Variants in SCN10A observed in about 807,000 individuals in gnomAD.
The protein encoded by SCN10A is sodium channel protein type 10 subunit alpha.
Under a neutral mutation model 170.7 loss-of-function variants are expected in SCN10A, and 162 were observed. That is an observed-to-expected ratio of 0.95 (90% CI 0.84 to 1.08). The LOEUF (loss-of-function observed/expected upper bound fraction) is 1.08. Among genes scored for constraint, SCN10A ranks in the 50% least tolerant of loss-of-function variants. The pLI is 0.00. For missense variants in SCN10A, 2,527 were observed against 2,436.9 expected (o/e 1.04, Z -0.78); for synonymous variants, 985 against 904.6 (o/e 1.09, Z -1.59).
At chr3:38,761,475 A>G in intron 6 of SCN10A, 92 bp from the exon 7 acceptor site, 2 of 1,136,122 alleles carry the variant, frequency 1.8e-6, no homozygotes, top group South Asian at 3.2e-5. Context: ...TCATCTCTAC[A>G]TACAGGAGTG....
chr3:38,815,436 T>C (rs1311686838), intron 1 of SCN10A, among the ~76,000 whole-genome samples: 1 of 152,200 alleles, frequency 6.6e-6, no homozygotes, highest in African/African-American at 2.4e-5. Context: ...AGAGTCTGTG[T>C]TTCTAAAAAG....
intron 1 of SCN10A, among the ~76,000 whole-genome samples, chr3:38,808,052 C>CT (rs2064416484): frequency 1.3e-5 from 2 of 152,168 alleles, no homozygotes; most frequent in Non-Finnish European, 2.9e-5. Flanking sequence ...TGGGTTTAGA[C>CT]ATTCACATTC....
chr3:38,729,499 C>T lies in SCN10A; in HGVS notation c.2281-598G>A, dbSNP rs11710462. ...CGAACCTACCCCCCAGAACTCCAGC[C>T]GTGCAGGTGCATGGCAGTGTGCTAG... On this transcript the variant is annotated intron_variant, in intron 15 of 27. Transcript: ENST00000449082. Among the ~76,000 whole-genome samples, 158 of 151,888 alleles carry T rather than the reference C, an allele frequency of 1.0e-3. 2 individuals carry two copies. The highest frequency in any genetic ancestry group is 9.8e-3 in the South Asian group (47 of 4,796).
intron 20 of SCN10A, among the ~76,000 whole-genome samples, chr3:38,719,419 A>G (rs2125995025): frequency 5.1e-5 from 5 of 97,888 alleles, no homozygotes; most frequent in Admixed American, 1.7e-4. Flanking sequence ...TTTGAGACGG[A>G]GTCTCGCTCT....
At chr3:38,781,920 T>C (rs200332178) in intron 4 of SCN10A, among the ~76,000 whole-genome samples, 1 of 152,112 alleles carries the variant, frequency 6.6e-6, no homozygotes, top group East Asian at 1.9e-4. Flanking sequence ...AAAGAGTTTG[T>C]ATCTTTATCC....
chr3:38,702,528 G>A (rs990364296), intron 26 of SCN10A, among the ~76,000 whole-genome samples: 1 of 152,232 alleles, frequency 6.6e-6, no homozygotes, highest in Non-Finnish European at 1.5e-5. Context: ...TCGAGTTCTA[G>A]CATTTTGTAT....
At chr3:38,761,660 T>A (rs2063873588) in intron 6 of SCN10A, among the ~76,000 whole-genome samples, 1 of 152,142 alleles carries the variant, frequency 6.6e-6, no homozygotes, top group Non-Finnish European at 1.5e-5. Flanking sequence ...ACACTAGCAA[T>A]TCAATTTAAA....
In SCN10A at chr3:38,797,592, A is replaced by G. The variant is rs151238497; in HGVS notation, c.-32-3550T>C. 8.1e-3 allele frequency among the ~76,000 whole-genome samples: 1,241 copies of G among 152,344 alleles called. 9 individuals carry two copies. The highest frequency in any genetic ancestry group is 0.041 in the Middle Eastern group (12 of 294). Reference sequence around the variant, plus strand: ...GTGTATTTATGCAATGACCATTCAAACACTGTTGACTTCAGTGTCTTTAAT... The same window carrying G: ...GTGTATTTATGCAATGACCATTCAAGCACTGTTGACTTCAGTGTCTTTAAT... On this transcript the variant is annotated intron_variant, in intron 1 of 27. Coordinates refer to ENST00000449082, the MANE Select transcript of SCN10A (RefSeq NM_006514.4).
At chr3:38,711,470 G>T (rs1297076405) in intron 23 of SCN10A, among the ~76,000 whole-genome samples, 1 of 152,146 alleles carries the variant, frequency 6.6e-6, no homozygotes. Flanking sequence ...TCACCTATTA[G>T]TCTGTTTCTC....
chr3:38,728,092 G>A (rs1286033160), intron 16 of SCN10A, among the ~76,000 whole-genome samples: 9 of 152,144 alleles, frequency 5.9e-5, no homozygotes, highest in Non-Finnish European at 1.0e-4. Flanking sequence ...GATTGGGGAA[G>A]GACATTTTTC....
Position 38,727,045 on chromosome 3 carries a change from T to C in SCN10A, c.2648A>G (p.Asn883Ser). Residue 883 changes from asparagine (N) to serine (S), a missense_variant, in exon 17 of 28, where the codon AAC becomes AGC. Coordinates refer to ENST00000449082, the MANE Select transcript of SCN10A (RefSeq NM_006514.4). ...GTTCAATAGCAGGGCGATGAACAGG[T>C]TAAGCACCTGAAGAGAAGGAATGGA... ...VMVLGNLVVL[N>S]LFIALLLNSF... is the part of the protein sequence containing the mutation. 6.2e-7 allele frequency: 1 copy of C among 1,603,840 alleles called. No individual in the cohort carries two copies. The highest frequency in any genetic ancestry group is 8.5e-7 in the Non-Finnish European group (1 of 1,171,292).
At chr3:38,724,703 ACTTT>A (rs1269297656) in intron 18 of SCN10A, among the ~76,000 whole-genome samples, 3 of 152,122 alleles carry the variant, frequency 2.0e-5, no homozygotes, top group Non-Finnish European at 4.4e-5. Context: ...AAGATATTTG[ACTTT>A]CTTTGTGCGT....
intron 4 of SCN10A, among the ~76,000 whole-genome samples, chr3:38,784,335 G>A (rs1006606702): frequency 4.6e-5 from 7 of 152,008 alleles, no homozygotes; most frequent in East Asian, 1.9e-4. Flanking sequence ...ACATACGCAA[G>A]TCAATAAACG....
chr3:38,785,276 A>G (rs545005755), intron 4 of SCN10A, among the ~76,000 whole-genome samples: 121 of 152,326 alleles, frequency 7.9e-4, no homozygotes, highest in Admixed American at 1.4e-3. Context: ...ACTGGTACCA[A>G]AACAGATATC....
intron 4 of SCN10A, among the ~76,000 whole-genome samples, chr3:38,786,776 C>A (rs1325609976): frequency 6.6e-6 from 1 of 152,066 alleles, no homozygotes; most frequent in Non-Finnish European, 1.5e-5. Context: ...TTTTTGAAGA[C>A]CGCCTTTTCC....
intron 3 of SCN10A, among the ~76,000 whole-genome samples, chr3:38,790,801 T>C (rs1559467229): frequency 6.6e-6 from 1 of 152,146 alleles, no homozygotes; most frequent in Non-Finnish European, 1.5e-5. Flanking sequence ...AATCTCTACT[T>C]CAGAGGCTTT....
chr3:38,765,759 G>T (rs1351738614), intron 5 of SCN10A, among the ~76,000 whole-genome samples: 1 of 152,136 alleles, frequency 6.6e-6, no homozygotes, highest in African/African-American at 2.4e-5. Context: ...TGTGAAGAAT[G>T]ATGTGGTACT....
At chr3:38,754,211 T>C (rs1400565986) in intron 11 of SCN10A, among the ~76,000 whole-genome samples, 1 of 152,220 alleles carries the variant, frequency 6.6e-6, no homozygotes, top group Non-Finnish European at 1.5e-5. Flanking sequence ...TTGATCCCAA[T>C]TATGCCTTCC....
chr3:38,792,274 AG>A, intron 2 of SCN10A, 106 bp from the exon 3 acceptor site: 1 of 1,429,586 alleles, frequency 7.0e-7, no homozygotes, highest in Non-Finnish European at 9.5e-7. Context: ...ATGAGCAAGA[AG>A]GGCTCTGGGA....
Sources: allele counts gnomAD v4.1 joint callset (sites outside exome capture counted in the v4.1 genomes callset), GRCh38; gene constraint gnomAD v4.1.1; transcripts MANE v1.5; gene names NCBI Gene and HGNC (gene_info 2026-07-23, HGNC 2026-07-21).